The following SCHIP1 variants were observed in gnomAD, a reference collection of about 807,000 sequenced individuals.
SCHIP1 encodes schwannomin-interacting protein 1.
In SCHIP1, 8 loss-of-function variants were observed where a neutral mutation model predicts 29.7. That is an observed-to-expected ratio of 0.27 (90% CI 0.16 to 0.49). SCHIP1 has a LOEUF of 0.49. SCHIP1 is among the 20% of genes least tolerant of loss of function. The pLI, the probability that SCHIP1 is intolerant of heterozygous loss-of-function variation, is 0.99. For synonymous variants in SCHIP1, 76 were observed against 94.9 expected (o/e 0.80, Z 1.16); for missense variants, 193 against 294.6 (o/e 0.66, Z 2.52).
the SCHIP1 span, among the ~76,000 whole-genome samples, chr3:159,369,949 A>C: frequency 6.6e-6 from 1 of 152,196 alleles, no homozygotes; most frequent in African/African-American, 2.4e-5. Context: ...TTTCTGAGTG[A>C]GCAATGATAG....
the SCHIP1 span, among the ~76,000 whole-genome samples, chr3:159,647,787 C>T: frequency 6.6e-6 from 1 of 152,102 alleles, no homozygotes; most frequent in Non-Finnish European, 1.5e-5. Context: ...TGGAAAGCCA[C>T]GAGAACTAAA....
the SCHIP1 span, among the ~76,000 whole-genome samples, chr3:159,546,002 G>C: frequency 2.0e-5 from 3 of 151,746 alleles, no homozygotes; most frequent in Admixed American, 2.0e-4. Flanking sequence ...TGTATTTATA[G>C]GTATTTATTG....
chr3:159,383,914 G>T, the SCHIP1 span, among the ~76,000 whole-genome samples: 87 of 151,602 alleles, frequency 5.7e-4, no homozygotes, highest in African/African-American at 2.1e-3. Context: ...CTGTTTGTCT[G>T]TGATTGGTGT....
the SCHIP1 span, among the ~76,000 whole-genome samples, chr3:159,716,844 A>G: frequency 1.1e-4 from 17 of 152,188 alleles, no homozygotes; most frequent in Admixed American, 8.5e-4. Flanking sequence ...ACAGAAAGTT[A>G]AAAAGGATAT....
chr3:159,698,096 C>T, the SCHIP1 span, among the ~76,000 whole-genome samples: 1 of 152,194 alleles, frequency 6.6e-6, no homozygotes, highest in Non-Finnish European at 1.5e-5. Context: ...CCTCACAGAA[C>T]TTATATGTGG....
the SCHIP1 span, among the ~76,000 whole-genome samples, chr3:159,694,374 G>T: frequency 2.0e-5 from 3 of 152,024 alleles, no homozygotes; most frequent in Non-Finnish European, 1.5e-5. Context: ...ACAAAAATTA[G>T]CTGGGCATGG....
the SCHIP1 span, among the ~76,000 whole-genome samples, chr3:159,815,410 A>G: frequency 3.0e-4 from 45 of 152,188 alleles, no homozygotes; most frequent in Non-Finnish European, 5.7e-4. Context: ...TTTCCAAGGC[A>G]TACACTCTCC....
At chr3:159,880,040 G>A (rs1330611186) in intron 2 of SCHIP1, among the ~76,000 whole-genome samples, 1 of 152,154 alleles carries the variant, frequency 6.6e-6, no homozygotes. Context: ...ATAAGATTAG[G>A]AGGAGAAAAC....
At chr3:159,841,395 C>A (rs1020267244) in intron 1 of SCHIP1, among the ~76,000 whole-genome samples, 1 of 152,112 alleles carries the variant, frequency 6.6e-6, no homozygotes, top group Admixed American at 6.5e-5. Context: ...CACAGTAATT[C>A]TTTCCACGAG....
At chr3:159,354,198 A>G in the SCHIP1 span, among the ~76,000 whole-genome samples, 1 of 152,226 alleles carries the variant, frequency 6.6e-6, no homozygotes, top group Non-Finnish European at 1.5e-5. Flanking sequence ...TAATTTCACT[A>G]CATTCTAAGA....
chr3:159,583,773 A>G, the SCHIP1 span, among the ~76,000 whole-genome samples: 31,069 of 152,084 alleles, frequency 0.2, 8,643 homozygotes, highest in African/African-American at 0.63. Context: ...AACAGTAAGT[A>G]TCATAAGGCA....
chr3:159,450,864 A>G, the SCHIP1 span, among the ~76,000 whole-genome samples: 1 of 139,526 alleles, frequency 7.2e-6, no homozygotes, highest in Non-Finnish European at 1.5e-5. Flanking sequence ...GCTGGAGTGC[A>G]GTGGTGAGAT....
intron 4 of SCHIP1, 86 bp from the exon 6 acceptor site, chr3:159,888,734 G>A: frequency 6.5e-7 from 1 of 1,545,086 alleles, no homozygotes; most frequent in Non-Finnish European, 8.7e-7. Flanking sequence ...TGGGTGAGTG[G>A]GTCTTTTAAG....
the SCHIP1 span, among the ~76,000 whole-genome samples, chr3:159,729,960 T>C: frequency 2.6e-5 from 4 of 152,186 alleles, no homozygotes; most frequent in Admixed American, 2.6e-4. Context: ...CAGGCCTGGA[T>C]ATGGAATAAT....
chr3:159,502,650 C>T, the SCHIP1 span, among the ~76,000 whole-genome samples: 1 of 151,948 alleles, frequency 6.6e-6, no homozygotes, highest in Non-Finnish European at 1.5e-5. Flanking sequence ...CCACTCCCCC[C>T]ACCCCACAAC....
At chr3:159,581,092 T>C in the SCHIP1 span, among the ~76,000 whole-genome samples, 1 of 152,174 alleles carries the variant, frequency 6.6e-6, no homozygotes, top group Non-Finnish European at 1.5e-5. Context: ...AGTACTTTCT[T>C]GTAGATAAAT....
chr3:159,567,398 C>T, the SCHIP1 span, among the ~76,000 whole-genome samples: 1,400 of 152,054 alleles, frequency 9.2e-3, 35 homozygotes, highest in African/African-American at 0.031. Context: ...GAAATACTTC[C>T]TTATATACAC....
the SCHIP1 span, among the ~76,000 whole-genome samples, chr3:159,832,149 A>T: frequency 3.9e-5 from 6 of 152,150 alleles, no homozygotes; most frequent in Non-Finnish European, 8.8e-5. Flanking sequence ...TAGGGGTTTT[A>T]ACCTGCAGCA....
intron 1 of SCHIP1, among the ~76,000 whole-genome samples, chr3:159,860,706 G>A (rs1713962123): frequency 6.6e-6 from 1 of 152,180 alleles, no homozygotes; most frequent in South Asian, 2.1e-4. Flanking sequence ...GAAACTGGGG[G>A]AAACACTTTT....
Sources: gnomAD v4.1 joint callset for allele counts (sites outside exome capture counted in the v4.1 genomes callset) on GRCh38, gnomAD v4.1.1 for gene constraint, MANE v1.5 for transcripts, NCBI Gene and HGNC (gene_info 2026-07-23, HGNC 2026-07-21) for gene names.